The following ROR1 variants were observed in gnomAD, a reference collection of about 807,000 sequenced individuals.
ROR1 encodes inactive tyrosine-protein kinase transmembrane receptor ROR1.
ROR1 carries 19 observed loss-of-function variants against 78.8 expected under a neutral mutation model. The ratio of observed to expected loss-of-function variants is 0.24; its 90% confidence interval spans 0.17 to 0.35. The LOEUF is 0.35. Among genes scored for constraint, ROR1 ranks in the 10% least tolerant of loss-of-function variants. ROR1 has a pLI of 1.00. For missense variants in ROR1, 917 were observed against 1,177.8 expected (o/e 0.78, Z 3.24); for synonymous variants, 386 against 433.6 (o/e 0.89, Z 1.36).
intron 7 of ROR1, among the ~76,000 whole-genome samples, chr1:64,144,983 A>T (rs1269217148): frequency 6.6e-6 from 1 of 152,186 alleles, no homozygotes; most frequent in Non-Finnish European, 1.5e-5. Flanking sequence ...AATGATATAC[A>T]CTTAGGATTT....
intron 1 of ROR1, among the ~76,000 whole-genome samples, chr1:63,981,145 A>G (rs1475801055): frequency 6.6e-6 from 1 of 152,024 alleles, no homozygotes; most frequent in Non-Finnish European, 1.5e-5. Context: ...TTGTTTACCT[A>G]CTCTGTAGGA....
intron 1 of ROR1, among the ~76,000 whole-genome samples, chr1:63,924,956 T>TA (rs1201169770): frequency 4.7e-5 from 7 of 148,160 alleles, no homozygotes; most frequent in South Asian, 2.1e-4. Flanking sequence ...TTTTTTTTTT[T>TA]AAGAAAAAAC....
intron 2 of ROR1, among the ~76,000 whole-genome samples, chr1:64,011,245 C>G (rs1646472292): frequency 6.6e-6 from 1 of 152,180 alleles, no homozygotes; most frequent in Non-Finnish European, 1.5e-5. Flanking sequence ...CTCCTCTCCA[C>G]CTCCAGCATC....
At chr1:63,968,685 C>T (rs901637993) in intron 1 of ROR1, among the ~76,000 whole-genome samples, 6 of 152,144 alleles carry the variant, frequency 3.9e-5, no homozygotes, top group African/African-American at 1.4e-4. Flanking sequence ...TCATGCTTGG[C>T]ATCAGGACCT....
intron 4 of ROR1, among the ~76,000 whole-genome samples, chr1:64,085,955 A>G (rs1462902173): frequency 6.6e-6 from 1 of 152,212 alleles, no homozygotes; most frequent in Non-Finnish European, 1.5e-5. Flanking sequence ...GTTGGTTATC[A>G]TGGCGGGAAA....
chr1:64,123,345 C>T (rs12086535), intron 4 of ROR1, among the ~76,000 whole-genome samples: 1,689 of 152,226 alleles, frequency 0.011, 38 homozygotes, highest in African/African-American at 0.039. Flanking sequence ...TTCATTTTGG[C>T]ATTTAGTGGA....
chr1:63,883,088 C>A (rs1645333776), intron 1 of ROR1, among the ~76,000 whole-genome samples: 1 of 152,062 alleles, frequency 6.6e-6, no homozygotes, highest in African/African-American at 2.4e-5. Context: ...GTGGAAAGGG[C>A]AAATAATAAG....
intron 1 of ROR1, among the ~76,000 whole-genome samples, chr1:63,962,937 G>C (rs2100487505): frequency 6.6e-6 from 1 of 152,288 alleles, no homozygotes; most frequent in East Asian, 1.9e-4. Flanking sequence ...CTCAAGACCA[G>C]GTGAAGGCTG....
chr1:64,060,869 A>G (rs893927846), intron 4 of ROR1, among the ~76,000 whole-genome samples: 1 of 152,250 alleles, frequency 6.6e-6, no homozygotes, highest in Non-Finnish European at 1.5e-5. Flanking sequence ...TTATGTACCA[A>G]TCCACCCCCA....
rs10449756 is a variant in ROR1 at position 63,976,356 on chromosome 1, G to A, written c.92-32949G>A. 4.4e-3 allele frequency among the ~76,000 whole-genome samples: 668 copies of A among 152,278 alleles called. 1 individual carries two copies. The highest frequency in any genetic ancestry group is 0.013 in the African/African-American group (526 of 41,558). ...GCACTCTGCTTTCTGCTACCCCACA[G>A]CCATCTCTCTATATGTTTAAGCATG... On this transcript the variant is annotated intron_variant, in intron 1 of 8. Coordinates refer to ENST00000371079, the MANE Select transcript of ROR1 (RefSeq NM_005012.4).
chr1:64,073,973 C>T (rs527450131), intron 4 of ROR1, among the ~76,000 whole-genome samples: 42 of 152,308 alleles, frequency 2.8e-4, no homozygotes, highest in Non-Finnish European at 5.1e-4. Flanking sequence ...CAGTTCTTAA[C>T]GGGGTTACAG....
At chr1:63,998,365 A>C (rs570551381) in intron 1 of ROR1, among the ~76,000 whole-genome samples, 1 of 151,878 alleles carries the variant, frequency 6.6e-6, no homozygotes, top group Non-Finnish European at 1.5e-5. Flanking sequence ...ATTAAATTAC[A>C]TGGTTGTTTT....
intron 4 of ROR1, among the ~76,000 whole-genome samples, chr1:64,067,851 T>A (rs1046655687): frequency 6.6e-6 from 1 of 151,972 alleles, no homozygotes; most frequent in Non-Finnish European, 1.5e-5. Flanking sequence ...TAGCTGGGAC[T>A]ACAGGCGCCT....
chr1:64,060,196 G>T (rs551842986), intron 4 of ROR1, among the ~76,000 whole-genome samples: 1 of 152,248 alleles, frequency 6.6e-6, no homozygotes, highest in South Asian at 2.1e-4. Context: ...TCATAGCATT[G>T]TTGAAAAGAT....
intron 1 of ROR1, among the ~76,000 whole-genome samples, chr1:63,810,725 A>G (rs1228522442): frequency 1.3e-5 from 2 of 152,220 alleles, no homozygotes; most frequent in Admixed American, 6.5e-5. Flanking sequence ...GGTGTGAAAC[A>G]TGATGCCTCT....
chr1:64,041,190 A>ATG (rs1173298075), intron 2 of ROR1, among the ~76,000 whole-genome samples: 1 of 152,150 alleles, frequency 6.6e-6, no homozygotes, highest in Non-Finnish European at 1.5e-5. Context: ...GGAAAATCCT[A>ATG]TGTATATATA....
intron 4 of ROR1, among the ~76,000 whole-genome samples, chr1:64,103,132 C>T (rs945390107): frequency 8.5e-5 from 13 of 152,070 alleles, no homozygotes; most frequent in African/African-American, 1.4e-4. Context: ...ATGTTAGGTT[C>T]GCTATGGAAA....
At chr1:64,023,967 T>C (rs2100559871) in intron 2 of ROR1, among the ~76,000 whole-genome samples, 1 of 152,216 alleles carries the variant, frequency 6.6e-6, no homozygotes, top group East Asian at 1.9e-4. Context: ...GTGAGTGAGT[T>C]CTCATGAGAT....
At chr1:63,977,537 G>A (rs912964377) in intron 1 of ROR1, among the ~76,000 whole-genome samples, 2 of 152,142 alleles carry the variant, frequency 1.3e-5, no homozygotes, top group African/African-American at 4.8e-5. Context: ...TCAGTAAAAT[G>A]GAAATGATTA....
Sources: gnomAD v4.1 joint callset for allele counts (sites outside exome capture counted in the v4.1 genomes callset) on GRCh38, gnomAD v4.1.1 for gene constraint, MANE v1.5 for transcripts, NCBI Gene and HGNC (gene_info 2026-07-23, HGNC 2026-07-21) for gene names.